GRM7: variants seen among roughly 807,000 people sequenced by gnomAD.
The protein encoded by GRM7 is glutamate metabotropic receptor 7, also known as metabotropic glutamate receptor 7.
GRM7 carries 35 observed loss-of-function variants against 84.5 expected under a neutral mutation model. The ratio of observed to expected loss-of-function variants is 0.41; its 90% CI spans 0.32 to 0.55. The LOEUF (loss-of-function observed/expected upper bound fraction) is 0.55, where lower values mean the gene tolerates loss of function less well. Among genes scored for constraint, GRM7 ranks in the 20% least tolerant of loss-of-function variants. The probability of loss-of-function intolerance (pLI) is 0.19; values close to 1 mark genes in which losing one functional copy is unlikely to be tolerated. For synonymous variants in GRM7, 487 were observed against 455.1 expected, an observed-to-expected ratio of 1.07 and a Z score of -0.89; for missense variants, 1,003 against 1,194.6, an observed-to-expected ratio of 0.84 and a Z score of 2.36.
At chr3:7,036,031 G>C (rs1696374739) in intron 1 of GRM7, among the ~76,000 whole-genome samples, 1 of 152,192 alleles carries the variant, frequency 6.6e-6, no homozygotes, top group Admixed American at 6.5e-5. Flanking sequence ...GTGAGAATGA[G>C]ACTGAGACTG....
At chr3:7,639,751 T>A (rs61110266) in intron 8 of GRM7, among the ~76,000 whole-genome samples, 26,327 of 152,096 alleles carry the variant, frequency 0.17, 2,435 homozygotes, top group African/African-American at 0.2. Flanking sequence ...GTACAAGTCT[T>A]AAATGTGTTT....
intron 8 of GRM7, among the ~76,000 whole-genome samples, chr3:7,621,534 G>A (rs754496314): frequency 1.3e-5 from 2 of 152,114 alleles, no homozygotes; most frequent in Non-Finnish European, 2.9e-5. Context: ...GGGGACGCAC[G>A]ATGGAGTTGA....
At chr3:7,095,850 C>T (rs1403595941) in intron 1 of GRM7, among the ~76,000 whole-genome samples, 1 of 151,956 alleles carries the variant, frequency 6.6e-6, no homozygotes, top group African/African-American at 2.4e-5. Context: ...AAAGTAGCAG[C>T]CTTGTTGAAA....
At chr3:7,336,826 A>G (rs1327023336) in intron 4 of GRM7, among the ~76,000 whole-genome samples, 1 of 151,924 alleles carries the variant, frequency 6.6e-6, no homozygotes, top group Non-Finnish European at 1.5e-5. Context: ...ATTTGGGAAT[A>G]TGCCTAACCA....
chr3:7,178,624 T>G (rs1260706172), intron 2 of GRM7, among the ~76,000 whole-genome samples: 1 of 152,168 alleles, frequency 6.6e-6, no homozygotes, highest in Non-Finnish European at 1.5e-5. Context: ...TCATCAAAAT[T>G]AATCTTGAAA....
chr3:7,402,805 CT>C (rs35688376), intron 4 of GRM7, among the ~76,000 whole-genome samples: 80,399 of 143,888 alleles, frequency 0.56, 23,558 homozygotes, highest in Non-Finnish European at 0.66. Flanking sequence ...TGTTGTTTTC[CT>C]TTTTTTTTTT....
intron 7 of GRM7, among the ~76,000 whole-genome samples, chr3:7,513,741 C>A (rs1317524724): frequency 6.6e-6 from 1 of 152,014 alleles, no homozygotes; most frequent in Non-Finnish European, 1.5e-5. Flanking sequence ...CTCTGATATG[C>A]CCATAATAAT....
chr3:7,677,427 TGAG>T (rs1412723162), intron 8 of GRM7, among the ~76,000 whole-genome samples: 6 of 152,074 alleles, frequency 3.9e-5, no homozygotes, highest in Non-Finnish European at 7.4e-5. Flanking sequence ...ATACCGAAGC[TGAG>T]GAGAAGTAAT....
chr3:7,015,858 A>G (rs967602969), intron 1 of GRM7, among the ~76,000 whole-genome samples: 1 of 152,236 alleles, frequency 6.6e-6, no homozygotes, highest in African/African-American at 2.4e-5. Flanking sequence ...TTGATAACTT[A>G]GTCTCAGAAG....
At chr3:7,446,332 G>A (rs971770184) in intron 5 of GRM7, among the ~76,000 whole-genome samples, 1 of 151,952 alleles carries the variant, frequency 6.6e-6, no homozygotes, top group African/African-American at 2.4e-5. Flanking sequence ...AATCTTTCTG[G>A]CATCTGTGTG....
chr3:7,331,165 T>C (rs1701194507), intron 4 of GRM7, among the ~76,000 whole-genome samples: 1 of 152,190 alleles, frequency 6.6e-6, no homozygotes. Flanking sequence ...TACTAAAGTT[T>C]TTAAAATAAA....
chr3:7,440,792 A>G (rs879543786), intron 5 of GRM7, among the ~76,000 whole-genome samples: 6 of 152,200 alleles, frequency 3.9e-5, no homozygotes, highest in Non-Finnish European at 8.8e-5. Flanking sequence ...AGTGGCCTTC[A>G]GTTCCATCCT....
intron 1 of GRM7, among the ~76,000 whole-genome samples, chr3:7,035,413 G>A (rs1696351121): frequency 6.6e-6 from 1 of 151,992 alleles, no homozygotes; most frequent in African/African-American, 2.4e-5. Context: ...GGAAAATAGA[G>A]AATAGAGAAT....
chr3:7,562,018 A>G (rs1239286011), intron 7 of GRM7, among the ~76,000 whole-genome samples: 1 of 152,120 alleles, frequency 6.6e-6, no homozygotes, highest in Non-Finnish European at 1.5e-5. Context: ...ACTGAGTTTG[A>G]AACTCCAACT....
intron 4 of GRM7, among the ~76,000 whole-genome samples, chr3:7,401,021 C>A (rs570494568): frequency 6.6e-6 from 1 of 152,050 alleles, no homozygotes; most frequent in African/African-American, 2.4e-5. Flanking sequence ...TTCTTATCTA[C>A]CCTCAAACAT....
rs140874322 is a variant in GRM7 at position 7,445,257 on chromosome 3, T to C, written c.1175-7350T>C. Among the ~76,000 whole-genome samples the C allele has an allele frequency of 1.7e-3, 261 of 152,256 alleles. 2 individuals carry two copies. The highest frequency in any genetic ancestry group is 2.9e-3 in the Non-Finnish European group (200 of 68,014). On this transcript the variant is annotated intron_variant, in intron 5 of 9. Coordinates refer to ENST00000357716, the MANE Select transcript of GRM7 (RefSeq NM_000844.4). The stretch of plus-strand genomic sequence containing the variant: ...AACTAATATTGAAAATGAAAAGAAT[T>C]AAAGGAGGACAAGACTGTCCCTTTT...
chr3:6,993,399 T>C (rs1034432716), intron 1 of GRM7, among the ~76,000 whole-genome samples: 1 of 152,204 alleles, frequency 6.6e-6, no homozygotes, highest in African/African-American at 2.4e-5. Context: ...TACCATGTTA[T>C]GGCATTCCCA....
chr3:6,946,602 C>G (rs1043869629), intron 1 of GRM7, among the ~76,000 whole-genome samples: 7 of 152,072 alleles, frequency 4.6e-5, no homozygotes, highest in African/African-American at 1.7e-4. Context: ...TGAAGAAATT[C>G]ATTGGTAGCT....
chr3:7,695,430 T>A (rs1419593274), intron 9 of GRM7, among the ~76,000 whole-genome samples: 1 of 149,422 alleles, frequency 6.7e-6, no homozygotes, highest in Non-Finnish European at 1.5e-5. Context: ...GAAGTCTACA[T>A]TTTTTTTTAG....
Sources: allele counts gnomAD v4.1 joint callset (sites outside exome capture counted in the v4.1 genomes callset), GRCh38; gene constraint gnomAD v4.1.1; transcripts MANE v1.5; gene names NCBI Gene and HGNC (gene_info 2026-07-23, HGNC 2026-07-21).